The following RNF216 variants were observed in gnomAD, a reference collection of about 807,000 sequenced individuals.
The protein encoded by RNF216 is E3 ubiquitin-protein ligase RNF216.
RNF216 carries 72 observed loss-of-function variants against 110.8 expected under a neutral mutation model. That is an observed-to-expected ratio of 0.65 (90% CI 0.54 to 0.79). The LOEUF (loss-of-function observed/expected upper bound fraction) is 0.79. Ranked by LOEUF, RNF216 falls within the 30% of genes least tolerant of loss-of-function variation. The pLI, the probability that RNF216 is intolerant of heterozygous loss-of-function variation, is 0.00. For missense variants in RNF216, 1,342 were observed against 1,141.2 expected, an observed-to-expected ratio of 1.18 and a Z score of -2.54; for synonymous variants, 495 against 407.5, an observed-to-expected ratio of 1.21 and a Z score of -2.59.
At chr7:5,693,415 G>A (rs1244098104) in intron 13 of RNF216, among the ~76,000 whole-genome samples, 1 of 152,196 alleles carries the variant, frequency 6.6e-6, no homozygotes, top group Non-Finnish European at 1.5e-5. Flanking sequence ...CCACTGTACT[G>A]AGGTACCAAA....
chr7:5,769,011 A>T (rs1157314852), intron 1 of RNF216, among the ~76,000 whole-genome samples: 3 of 152,276 alleles, frequency 2.0e-5, no homozygotes, highest in East Asian at 3.9e-4. Flanking sequence ...AATGAAAATT[A>T]GTTAACTATT....
chr7:5,702,785 A>G (rs1792050865), intron 13 of RNF216, among the ~76,000 whole-genome samples: 1 of 152,234 alleles, frequency 6.6e-6, no homozygotes, highest in South Asian at 2.1e-4. Context: ...AGACACAAGT[A>G]GAGTTAAAAA....
intron 15 of RNF216, among the ~76,000 whole-genome samples, chr7:5,635,766 T>G (rs1787361188): frequency 6.6e-6 from 1 of 152,216 alleles, no homozygotes; most frequent in Non-Finnish European, 1.5e-5. Flanking sequence ...ACATCTGCCT[T>G]CGAGCACTGC....
intron 13 of RNF216, among the ~76,000 whole-genome samples, chr7:5,675,015 C>T (rs1339402498): frequency 6.6e-6 from 1 of 151,776 alleles, no homozygotes; most frequent in African/African-American, 2.4e-5. Flanking sequence ...AACAAACAAA[C>T]AATATATATA....
chr7:5,716,715 C>T lies in RNF216; in HGVS notation c.1695+1G>A. The stretch of plus-strand genomic sequence containing the variant: ...ATAAACAAGGTGAGATTTCAAACTA[C>T]CTTTTGATACTGTTCTTCATTCATC... On this transcript the variant is annotated splice_donor_variant, in intron 10 of 16. Coordinates refer to ENST00000389902, the MANE Select transcript of RNF216 (RefSeq NM_207111.4). LOFTEE classifies it high-confidence loss of function. The T allele has an allele frequency of 6.3e-7, 1 of 1,583,772 alleles. No individual in the cohort carries two copies. Among genetic ancestry groups the T allele is most frequent in the Non-Finnish European group, 8.6e-7 (1 of 1,162,300 alleles).
chr7:5,703,383 C>T (rs1562407905), intron 13 of RNF216, among the ~76,000 whole-genome samples: 1 of 152,240 alleles, frequency 6.6e-6, no homozygotes, highest in Non-Finnish European at 1.5e-5. Context: ...AAGTGCCAAC[C>T]ACCCGCCATC....
At chr7:5,645,884 C>T (rs1013256506) in intron 14 of RNF216, among the ~76,000 whole-genome samples, 17 of 152,218 alleles carry the variant, frequency 1.1e-4, no homozygotes, top group African/African-American at 3.6e-4. Context: ...GCCACTGCGC[C>T]TGGCTGGTTT....
At chr7:5,718,198 T>C (rs933840443) in intron 9 of RNF216, among the ~76,000 whole-genome samples, 3 of 152,040 alleles carry the variant, frequency 2.0e-5, no homozygotes, top group African/African-American at 4.8e-5. Flanking sequence ...CTGGTCAACA[T>C]GGCGAAACCC....
chr7:5,639,137 T>C (rs1787578070), intron 15 of RNF216, among the ~76,000 whole-genome samples: 1 of 152,198 alleles, frequency 6.6e-6, no homozygotes, highest in African/African-American at 2.4e-5. Flanking sequence ...GAAGCAGAAG[T>C]GACCTGTTGC....
chr7:5,651,500 A>T (rs1788386047), intron 14 of RNF216, among the ~76,000 whole-genome samples: 1 of 152,092 alleles, frequency 6.6e-6, no homozygotes, highest in African/African-American at 2.4e-5. Flanking sequence ...CCAAAATGCC[A>T]GGATTACAGG....
chr7:5,623,621 AT>A (rs1319146310), intron 16 of RNF216, among the ~76,000 whole-genome samples: 1 of 151,910 alleles, frequency 6.6e-6, no homozygotes. Context: ...AGAAAAACAG[AT>A]GGGGTCTTGC....
intron 2 of RNF216, among the ~76,000 whole-genome samples, chr7:5,755,017 G>C (rs1795545299): frequency 7.5e-6 from 1 of 133,366 alleles, no homozygotes; most frequent in Admixed American, 8.0e-5. Context: ...GCTAGAGCAA[G>C]ACCCTATCTC....
chr7:5,764,604 T>C (rs1251651347), intron 1 of RNF216, among the ~76,000 whole-genome samples: 1 of 150,674 alleles, frequency 6.6e-6, no homozygotes, highest in African/African-American at 2.4e-5. Context: ...GCCAAGATTG[T>C]GCCACTACAC....
chr7:5,764,976 T>C (rs1796126241), intron 1 of RNF216, among the ~76,000 whole-genome samples: 1 of 150,120 alleles, frequency 6.7e-6, no homozygotes, highest in Admixed American at 6.7e-5. Context: ...AGGCTGAGGC[T>C]AGAGGATTGC....
chr7:5,759,609 A>C (rs1378920439), intron 2 of RNF216, among the ~76,000 whole-genome samples: 1 of 148,290 alleles, frequency 6.7e-6, no homozygotes, highest in Non-Finnish European at 1.5e-5. Context: ...TTCGTACTTA[A>C]GTTTTGGTGG....
intron 1 of RNF216, among the ~76,000 whole-genome samples, chr7:5,764,338 T>TA (rs1318383223): frequency 2.7e-5 from 4 of 149,180 alleles, no homozygotes; most frequent in Non-Finnish European, 1.5e-5. Context: ...CTACCAGAGG[T>TA]AAAACAAAGA....
chr7:5,630,091 A>T (rs1478741518), intron 15 of RNF216, among the ~76,000 whole-genome samples: 1 of 151,958 alleles, frequency 6.6e-6, no homozygotes, highest in Non-Finnish European at 1.5e-5. Context: ...AATAGAAGGA[A>T]AGAGGATGAG....
At chr7:5,683,810 A>G (rs1371395751) in intron 13 of RNF216, among the ~76,000 whole-genome samples, 4 of 152,214 alleles carry the variant, frequency 2.6e-5, no homozygotes, top group Non-Finnish European at 5.9e-5. Context: ...AAAACCTGTT[A>G]AAAGTGCAAG....
intron 13 of RNF216, among the ~76,000 whole-genome samples, chr7:5,654,739 T>C (rs1301173672): frequency 1.7e-5 from 1 of 57,374 alleles, no homozygotes; most frequent in Non-Finnish European, 3.4e-5. Context: ...CTAGGGTGGG[T>C]GGGGCAGAGA....
Sources: allele counts gnomAD v4.1 joint callset (sites outside exome capture counted in the v4.1 genomes callset), GRCh38; gene constraint gnomAD v4.1.1; transcripts MANE v1.5; gene names NCBI Gene and HGNC (gene_info 2026-07-23, HGNC 2026-07-21).